Variants in DYSF observed in about 807,000 individuals in gnomAD.
The protein encoded by DYSF is dysferlin, also known as dystrophy-associated fer-1-like 1.
Under a neutral mutation model 274.9 loss-of-function variants are expected in DYSF, and 212 were observed. The ratio of observed to expected loss-of-function variants is 0.77; its 90% CI spans 0.69 to 0.86. The LOEUF (loss-of-function observed/expected upper bound fraction) is 0.86, where lower values mean the gene tolerates loss of function less well. DYSF is among the 40% of genes least tolerant of loss of function. The pLI is 0.00. For missense variants in DYSF, 2,666 were observed against 2,783.2 expected (o/e 0.96, Z 0.95); for synonymous variants, 1,091 against 1,078.7 (o/e 1.01, Z -0.22).
At chr2:71,472,452 G>T (rs1204552128) in intron 1 of DYSF, among the ~76,000 whole-genome samples, 1 of 152,090 alleles carries the variant, frequency 6.6e-6, no homozygotes, top group Non-Finnish European at 1.5e-5. Flanking sequence ...TGTCGCCCAG[G>T]CTGGAGTGGA....
intron 30 of DYSF, among the ~76,000 whole-genome samples, chr2:71,587,251 C>A (rs1037297818): frequency 6.6e-6 from 1 of 152,180 alleles, no homozygotes; most frequent in Admixed American, 6.5e-5. Context: ...CTGGCAGGGG[C>A]CCAGGGCTTC....
chr2:71,473,918 ATTTT>A (rs10659171), intron 1 of DYSF, among the ~76,000 whole-genome samples: 2 of 83,818 alleles, frequency 2.4e-5, no homozygotes, highest in Non-Finnish European at 2.2e-5. Flanking sequence ...TTTCTGTATG[ATTTT>A]TTTTTTTTTT....
intron 1 of DYSF, among the ~76,000 whole-genome samples, chr2:71,457,805 T>A (rs1416347521): frequency 6.6e-6 from 1 of 152,156 alleles, no homozygotes; most frequent in East Asian, 1.9e-4. Context: ...TAGGGTCTGA[T>A]AAGCCAAGGC....
intron 41 of DYSF, among the ~76,000 whole-genome samples, chr2:71,636,787 G>A (rs1312830647): frequency 6.6e-6 from 1 of 152,120 alleles, no homozygotes; most frequent in Non-Finnish European, 1.5e-5. Context: ...CAAGCACTGA[G>A]CCCTGAGGCA....
At chr2:71,666,039 C>G (rs886112355) in intron 47 of DYSF, among the ~76,000 whole-genome samples, 1 of 151,900 alleles carries the variant, frequency 6.6e-6, no homozygotes, top group East Asian at 1.9e-4. Context: ...CCCCCATCCC[C>G]CACCCCCTCC....
chr2:71,502,684 G>A (rs2085103186), intron 3 of DYSF, among the ~76,000 whole-genome samples: 1 of 152,170 alleles, frequency 6.6e-6, no homozygotes, highest in Non-Finnish European at 1.5e-5. Flanking sequence ...CTCAGGAGTG[G>A]AGCCTGTTTC....
intron 17 of DYSF, among the ~76,000 whole-genome samples, chr2:71,540,326 G>A (rs1319490925): frequency 6.6e-6 from 1 of 151,990 alleles, no homozygotes; most frequent in Non-Finnish European, 1.5e-5. Context: ...GGCCAGGCTG[G>A]TCTCGAACTC....
chr2:71,534,971 C>A (rs753584063), intron 14 of DYSF, 50 bp from the exon 15 acceptor site: 44 of 1,602,192 alleles, frequency 2.7e-5, no homozygotes, highest in Non-Finnish European at 3.4e-6. Context: ...CGGGGGAGCC[C>A]AGAGTCCCCA....
chr2:71,591,542 GT>G (rs1329282864), intron 32 of DYSF, among the ~76,000 whole-genome samples: 1 of 152,248 alleles, frequency 6.6e-6, no homozygotes, highest in Non-Finnish European at 1.5e-5. Context: ...TGTGAAGTAG[GT>G]GGTCAACATC....
chr2:71,559,541 C>T (rs1028166210), intron 22 of DYSF, among the ~76,000 whole-genome samples: 4 of 152,234 alleles, frequency 2.6e-5, no homozygotes, highest in African/African-American at 7.2e-5. Flanking sequence ...GTCCCCACCA[C>T]CTGCCTCACG....
chr2:71,513,339 C>G lies in DYSF; in HGVS notation c.553+7C>G, dbSNP rs1258430809. On this transcript the variant is annotated splice_region_variant and intron_variant, in intron 6 of 55. Transcript: ENST00000410020. Reference sequence around the variant, plus strand: ...AAGTGGCCGGCCCCCACGGGTGAGACACGGGCCAGGACTGTCCTGATCCCA... The same window carrying G: ...AAGTGGCCGGCCCCCACGGGTGAGAGACGGGCCAGGACTGTCCTGATCCCA... 6.4e-7 allele frequency: 1 copy of G among 1,551,374 alleles called. No homozygotes were observed. Among genetic ancestry groups the G allele is most frequent in the East Asian group, 2.4e-5 (1 of 40,928 alleles).
Position 71,628,078 on chromosome 2 carries a change from A to G in DYSF, c.4527+7469A>G, listed in dbSNP as rs1442464400. ...TATTTGAATTTGTTTCTGCCATCTT[A>G]TTTTGTATCTCTATCAGCCTTTTTT... On this transcript the variant is annotated intron_variant, in intron 41 of 55. Coordinates refer to ENST00000410020, the MANE Select transcript of DYSF (RefSeq NM_001130987.2). Among the ~76,000 whole-genome samples, 4 of 152,130 alleles carry G rather than the reference A, an allele frequency of 2.6e-5. No individual in the cohort carries two copies. In the East Asian group the frequency reaches 7.7e-4, roughly 29 times the overall value.
chr2:71,672,333 G>A (rs927021458), intron 51 of DYSF, among the ~76,000 whole-genome samples: 7 of 152,210 alleles, frequency 4.6e-5, no homozygotes, highest in Non-Finnish European at 7.3e-5. Context: ...GGATGGGTTC[G>A]TGCAGGGGCA....
At chr2:71,583,115 A>G (rs2092951533) in intron 30 of DYSF, among the ~76,000 whole-genome samples, 1 of 151,918 alleles carries the variant, frequency 6.6e-6, no homozygotes, top group Non-Finnish European at 1.5e-5. Context: ...GAGTTTTTAA[A>G]TATAGTTTCT....
intron 43 of DYSF, among the ~76,000 whole-genome samples, chr2:71,657,233 A>G (rs1214708827): frequency 6.6e-6 from 1 of 152,194 alleles, no homozygotes; most frequent in African/African-American, 2.4e-5. Context: ...TAAAGCTCCA[A>G]AATGATCTCC....
At chr2:71,486,976 A>T in intron 3 of DYSF, among the ~76,000 whole-genome samples, 1 of 152,116 alleles carries the variant, frequency 6.6e-6, no homozygotes, top group Non-Finnish European at 1.5e-5. Flanking sequence ...CACACAATAG[A>T]ATCACCTGGG....
chr2:71,624,946 G>C (rs909290225), intron 41 of DYSF, among the ~76,000 whole-genome samples: 1 of 151,866 alleles, frequency 6.6e-6, no homozygotes, highest in Non-Finnish European at 1.5e-5. Flanking sequence ...TGTTAACACT[G>C]GTATAAATTT....
intron 24 of DYSF, among the ~76,000 whole-genome samples, chr2:71,564,681 G>A (rs1372755814): frequency 6.6e-6 from 1 of 152,206 alleles, no homozygotes; most frequent in Non-Finnish European, 1.5e-5. Flanking sequence ...TCTGGGGCTT[G>A]GGACAGGCAC....
intron 41 of DYSF, among the ~76,000 whole-genome samples, chr2:71,643,763 C>G (rs2094523509): frequency 6.6e-6 from 1 of 152,186 alleles, no homozygotes; most frequent in African/African-American, 2.4e-5. Context: ...TCAACACCAA[C>G]CAAATGCTGA....
Sources: gnomAD v4.1 joint callset for allele counts (sites outside exome capture counted in the v4.1 genomes callset) on GRCh38, gnomAD v4.1.1 for gene constraint, MANE v1.5 for transcripts, NCBI Gene and HGNC (gene_info 2026-07-23, HGNC 2026-07-21) for gene names.